The following TRAF3 variants were observed in gnomAD, a reference collection of about 807,000 sequenced individuals.
TRAF3 encodes TNF receptor associated factor 3.
A neutral mutation model predicts 62.3 loss-of-function variants in TRAF3; 13 were observed. That is an observed-to-expected ratio of 0.21 (90% CI 0.14 to 0.33). TRAF3 has a LOEUF of 0.33. Among genes scored for constraint, TRAF3 ranks in the 10% least tolerant of loss-of-function variants. The pLI is 1.00. For synonymous variants in TRAF3, 269 were observed against 283.4 expected, an observed-to-expected ratio of 0.95 and a Z score of 0.51; for missense variants, 440 against 741.8, an observed-to-expected ratio of 0.59 and a Z score of 4.73.
chr14:102,784,301 C>T (rs1313792504), intron 1 of TRAF3, among the ~76,000 whole-genome samples: 2 of 145,776 alleles, frequency 1.4e-5, no homozygotes, highest in Admixed American at 7.1e-5. Context: ...CGACTCACTG[C>T]AACCTCCGCC....
intron 4 of TRAF3, among the ~76,000 whole-genome samples, chr14:102,875,370 A>T (rs1046646633): frequency 6.6e-6 from 1 of 152,184 alleles, no homozygotes; most frequent in Non-Finnish European, 1.5e-5. Flanking sequence ...ATCGTTAATT[A>T]TCAAGTCTAA....
At chr14:102,799,287 C>T (rs943183795) in intron 1 of TRAF3, among the ~76,000 whole-genome samples, 1 of 152,140 alleles carries the variant, frequency 6.6e-6, no homozygotes, top group African/African-American at 2.4e-5. Flanking sequence ...CGGGAGGAAC[C>T]AGCTGCACTA....
intron 6 of TRAF3, among the ~76,000 whole-genome samples, chr14:102,882,036 A>G (rs1016803341): frequency 3.9e-5 from 6 of 152,382 alleles, no homozygotes; most frequent in East Asian, 3.9e-4. Context: ...TGAGAGAGAC[A>G]GCCAGATGTA....
In TRAF3 at chr14:102,902,576, G is replaced by A. The variant is rs550569772; in HGVS notation, c.961-679G>A. ...GCCATGCAGGGCCACCTGTCCCGTG[G>A]GACCTGCACTTACAGGGGTGAGGCC... On this transcript the variant is annotated intron_variant, in intron 10 of 11. Transcript: ENST00000392745. Among the ~76,000 whole-genome samples, 107 of 152,338 alleles carry A rather than the reference G, an allele frequency of 7.0e-4. 1 individual carries two copies. The highest frequency in any genetic ancestry group is 2.8e-3 in the Admixed American group (43 of 15,308).
intron 2 of TRAF3, among the ~76,000 whole-genome samples, chr14:102,847,168 A>G (rs979117967): frequency 6.6e-6 from 1 of 152,036 alleles, no homozygotes; most frequent in Non-Finnish European, 1.5e-5. Flanking sequence ...TTACCTTTTG[A>G]AATTTCATTT....
At chr14:102,868,209 G>C (rs1378806840) in intron 2 of TRAF3, among the ~76,000 whole-genome samples, 2 of 152,238 alleles carry the variant, frequency 1.3e-5, no homozygotes, top group African/African-American at 4.8e-5. Context: ...AACTTCCTCT[G>C]TTCACCTGAG....
chr14:102,870,594 T>C (rs1888283599), intron 3 of TRAF3, 148 bp downstream of exon 3: 1 of 1,139,154 alleles, frequency 8.8e-7, no homozygotes, highest in Non-Finnish European at 1.2e-6. Flanking sequence ...TTGTGAATCC[T>C]TTAGGGAGGT....
At chr14:102,862,356 A>C (rs1310189804) in intron 2 of TRAF3, among the ~76,000 whole-genome samples, 1 of 149,700 alleles carries the variant, frequency 6.7e-6, no homozygotes, top group African/African-American at 2.5e-5. Flanking sequence ...CTATGATTGC[A>C]CCACACTGCA....
intron 2 of TRAF3, among the ~76,000 whole-genome samples, chr14:102,857,477 G>A (rs547947761): frequency 5.3e-5 from 8 of 152,332 alleles, no homozygotes; most frequent in Non-Finnish European, 8.8e-5. Flanking sequence ...TGGCTTTGAT[G>A]AAACTTCATT....
chr14:102,831,506 G>C (rs986168329), intron 2 of TRAF3, among the ~76,000 whole-genome samples: 2 of 152,222 alleles, frequency 1.3e-5, no homozygotes, highest in African/African-American at 4.8e-5. Flanking sequence ...AACTGTTGCA[G>C]ATAGAGCGTG....
rs370713980 is a variant in TRAF3, at chr14:102,896,893, A to C, written c.820-368A>C. 3.3e-5 allele frequency among the ~76,000 whole-genome samples: 5 copies of C among 152,256 alleles called. No individual in the cohort carries two copies. The East Asian group carries it at 9.7e-4, about 29-fold the overall frequency. ...AGCCTGGGCAACATAGCAAGACCCTATCTCTAAAAAAATTATTTTTTTAAA... is the reference window on the plus strand; with the variant it reads ...AGCCTGGGCAACATAGCAAGACCCTCTCTCTAAAAAAATTATTTTTTTAAA... On this transcript the variant is annotated intron_variant, in intron 9 of 11. Coordinates refer to ENST00000392745, the MANE Select transcript of TRAF3 (RefSeq NM_145725.3).
At chr14:102,792,132 T>TTC (rs2139416898) in intron 1 of TRAF3, among the ~76,000 whole-genome samples, 1 of 142,330 alleles carries the variant, frequency 7.0e-6, no homozygotes, top group East Asian at 2.0e-4. Context: ...TTTTTTTTTT[T>TTC]TTTTTTTTAT....
chr14:102,895,507 C>A (rs1388084635), intron 9 of TRAF3, among the ~76,000 whole-genome samples: 4 of 152,216 alleles, frequency 2.6e-5, no homozygotes, highest in African/African-American at 9.6e-5. Context: ...CTCGGGCCAT[C>A]ACCTTTGTGA....
At chr14:102,801,597 C>T (rs917677311) in intron 1 of TRAF3, among the ~76,000 whole-genome samples, 6 of 152,006 alleles carry the variant, frequency 3.9e-5, no homozygotes, top group Non-Finnish European at 8.8e-5. Flanking sequence ...TGCAGTAGTA[C>T]AATCACAGCT....
Position 102,792,113 on chromosome 14 carries a change from C to CTTTTTTTTTTTTTTTT in TRAF3, c.-157+14450_-157+14465dup, listed in dbSNP as rs35895214. On this transcript the variant is annotated intron_variant, in intron 1 of 11. Transcript: ENST00000392745. Reference sequence around the variant, plus strand: ...ACAGGTGCGAGCCACTGTGCCTGGACTTTTTTTTTTTTTTTTTTTTTTTTT... The same window carrying CTTTTTTTTTTTTTTTT: ...ACAGGTGCGAGCCACTGTGCCTGGACTTTTTTTTTTTTTTTTTTTTTTTTTTTTTTTTTTTTTTTTT... Among the ~76,000 whole-genome samples, 22 of 97,702 alleles carry CTTTTTTTTTTTTTTTT rather than the reference C, an allele frequency of 2.3e-4. 10 individuals carry two copies. Among genetic ancestry groups the CTTTTTTTTTTTTTTTT allele is most frequent in the Admixed American group, 3.3e-4 (3 of 9,054 alleles). 64.1% of individuals were successfully genotyped at this position (97,702 alleles called of 152,430 possible).
At chr14:102,867,878 T>G (rs1888097161) in intron 2 of TRAF3, among the ~76,000 whole-genome samples, 1 of 152,268 alleles carries the variant, frequency 6.6e-6, no homozygotes. Flanking sequence ...TTATGTTCTA[T>G]GAAGCTAACC....
rs114697512 is a variant in TRAF3 at position 102,888,287 on chromosome 14, C to T, written c.652-1273C>T. ...TGTGGGCGCTTCCTGCAGGGGCAGC[C>T]GGTCTGGGTTCTGAGGAGCAGCAAG... On this transcript the variant is annotated intron_variant, in intron 7 of 11. Transcript: ENST00000392745. 2.7e-4 allele frequency among the ~76,000 whole-genome samples: 41 copies of T among 152,312 alleles called. 3 individuals are homozygous for T. Among genetic ancestry groups the T allele is most frequent in the African/African-American group, 8.2e-4 (34 of 41,580 alleles).
At chr14:102,813,829 A>G (rs752672707) in intron 1 of TRAF3, among the ~76,000 whole-genome samples, 7 of 151,872 alleles carry the variant, frequency 4.6e-5, no homozygotes, top group Non-Finnish European at 8.8e-5. Context: ...CCCCTGTTGG[A>G]TGAATAGTTC....
chr14:102,882,986 C>G (rs1889155270), intron 6 of TRAF3, among the ~76,000 whole-genome samples: 1 of 152,092 alleles, frequency 6.6e-6, no homozygotes, highest in African/African-American at 2.4e-5. Context: ...AAGATCTCAC[C>G]CTATGGGAAA....
Sources: allele counts gnomAD v4.1 joint callset (sites outside exome capture counted in the v4.1 genomes callset), GRCh38; gene constraint gnomAD v4.1.1; transcripts MANE v1.5; gene names NCBI Gene and HGNC (gene_info 2026-07-23, HGNC 2026-07-21).